The following NEURL2 variants were observed in gnomAD, a reference collection of about 807,000 sequenced individuals.
The protein encoded by NEURL2 is neuralized-like protein 2.
Under a neutral mutation model 15.9 loss-of-function variants are expected in NEURL2, and 16 were observed. The observed-to-expected ratio is 1.01, with a 90% CI of 0.68 to 1.53. The LOEUF (loss-of-function observed/expected upper bound fraction) is 1.53. NEURL2 is among the 40% of genes most tolerant of loss of function. The pLI, the probability that NEURL2 is intolerant of heterozygous loss-of-function variation, is 0.00. For missense variants in NEURL2, 393 were observed against 407.8 expected (o/e 0.96, Z 0.31); for synonymous variants, 188 against 178.3 (o/e 1.05, Z -0.43).
chr20:45,890,590 G>T lies in NEURL2; in HGVS notation c.402C>A (p.Ala134=). The change falls in exon 1 of 2, where the codon GCC becomes GCA. Residue 134 remains alanine, a synonymous_variant. Coordinates refer to ENST00000372518, the MANE Select transcript of NEURL2 (RefSeq NM_080749.4). ...REGRPEAEAA[A]PSRPPTLLVE... is the part of the protein sequence containing the mutation. The stretch of plus-strand genomic sequence containing the variant: ...CGAGGAGGGTTGGAGGTCGGCTGGG[G>T]GCCGCTGCCTCCGCCTCCGGGCGGC... 6.2e-7 allele frequency: 1 copy of T among 1,612,510 alleles called. No homozygotes were observed. Among genetic ancestry groups the T allele is most frequent in the Non-Finnish European group, 8.5e-7 (1 of 1,179,426 alleles).
Position 45,888,695 on chromosome 20 carries a change from G to A in NEURL2, c.*63C>T, listed in dbSNP as rs1230449042. On this transcript the variant is annotated 3_prime_UTR_variant, in exon 2 of 2. Transcript: ENST00000372518. ...GGCTGGCAGCAATGTGGCCAACTTC[G>A]GACCAGCCAGCCACAGGTCTGGGGC... The A allele has an allele frequency of 9.0e-6, 14 of 1,556,404 alleles. No individual in the cohort carries two copies. Among genetic ancestry groups the A allele is most frequent in the East Asian group, 2.3e-5 (1 of 44,306 alleles).
At chr20:45,889,275 A>G (rs916909421) in intron 1 of NEURL2, among the ~76,000 whole-genome samples, 3 of 152,204 alleles carry the variant, frequency 2.0e-5, no homozygotes, top group Non-Finnish European at 2.9e-5. Flanking sequence ...AGCATTAAGA[A>G]GCTCTCAGTC....
chr20:45,888,652 C>A lies in NEURL2; in HGVS notation c.*106G>T. ...CCAGTGATCAAGATGTCAGCATCGG[C>A]TGTTTATTTCTGGTCTTGGCTGGCA... On this transcript the variant is annotated 3_prime_UTR_variant, in exon 2 of 2. Transcript: ENST00000372518. 9.8e-7 allele frequency: 1 copy of A among 1,024,980 alleles called. No homozygotes were observed. The allele number at this position is 1,024,980 out of a possible 1,614,324, so 63.5% of individuals were successfully genotyped here. A position where few individuals can be genotyped will look rare whatever the true frequency, so the allele number is the denominator to read the frequency against.
At position 45,890,900 on chromosome 20, in the gene NEURL2, C is replaced by G; in HGVS notation, c.92G>C (p.Gly31Ala). The G allele has an allele frequency of 1.3e-6, 2 of 1,559,270 alleles. No individual in the cohort carries two copies. Among genetic ancestry groups the G allele is most frequent in the Non-Finnish European group, 1.7e-6 (2 of 1,151,204 alleles). ...PPPTRFHRVH[G>A]ANIRVDPSGT... ...AGAGGGGTCCACGCGGATGTTGGCA[C>G]CGTGCACCCGATGGAAGCGGGTGGG... Residue 31 changes from glycine (G) to alanine (A), a missense_variant, in exon 1 of 2, where the codon GGT becomes GCT. Coordinates refer to ENST00000372518, the MANE Select transcript of NEURL2 (RefSeq NM_080749.4).
chr20:45,888,920 C>A, intron 1 of NEURL2, 47 bp from the exon 2 acceptor site: 1 of 1,610,338 alleles, frequency 6.2e-7, no homozygotes, highest in South Asian at 1.1e-5. Context: ...GAGGGTGGGT[C>A]TGAGGCCAAG....
intron 1 of NEURL2, 31 bp from the exon 2 acceptor site, chr20:45,888,904 G>A (rs1210657160): frequency 1.9e-6 from 3 of 1,613,094 alleles, no homozygotes; most frequent in Admixed American, 1.7e-5. Flanking sequence ...AAGGCAAACT[G>A]AACTGGAGGG....
In NEURL2 at chr20:45,891,042, G is replaced by T. The variant is rs1480126569; in HGVS notation, c.-51C>A. 3 of 1,441,628 alleles carry T rather than the reference G, an allele frequency of 2.1e-6. No individual in the cohort carries two copies. 89.3% of individuals were successfully genotyped at this position (1,441,628 alleles called of 1,614,324 possible). A position where few individuals can be genotyped will look rare whatever the true frequency, so the allele number is the denominator to read the frequency against. ...GGCGCCGGGGGCTATTTTGGGCGGC[G>T]GGCAATGATGGTGACCGCAAGGCGA... On this transcript the variant is annotated 5_prime_UTR_variant, in exon 1 of 2. Transcript: ENST00000372518. The surrounding 1 kb of genome is among the most constrained non-coding windows in gnomAD (Gnocchi z 4.6).
intron 1 of NEURL2, 42 bp downstream of exon 1, chr20:45,890,208 C>T (rs763714649): frequency 6.8e-6 from 11 of 1,611,730 alleles, no homozygotes; most frequent in Non-Finnish European, 9.3e-6. Flanking sequence ...GATTCCAGTC[C>T]CCACACTGAG....
chr20:45,889,002 C>T lies in NEURL2; in HGVS notation c.743-129G>A, dbSNP rs1986600058. ...GCAAGTCCTTACTGCTCTCTGGGCCCAGCCTGCTTCATGGGGCTGAGAGAA... is the reference window on the plus strand; with the variant it reads ...GCAAGTCCTTACTGCTCTCTGGGCCTAGCCTGCTTCATGGGGCTGAGAGAA... On this transcript the variant is annotated intron_variant, in intron 1 of 1. Transcript: ENST00000372518. 8.8e-6 allele frequency: 9 copies of T among 1,018,296 alleles called. No homozygotes were observed. The South Asian group carries it at 1.4e-4, about 16-fold the overall frequency. 63.1% of individuals were successfully genotyped at this position (1,018,296 alleles called of 1,614,324 possible).
At chr20:45,889,770 C>T (rs2145808091) in intron 1 of NEURL2, among the ~76,000 whole-genome samples, 1 of 152,236 alleles carries the variant, frequency 6.6e-6, no homozygotes, top group East Asian at 1.9e-4. Flanking sequence ...CATGCCACCA[C>T]ACCCAGCTAC....
At position 45,890,921 on chromosome 20, in the gene NEURL2, G is replaced by A. The variant is rs1459896691; in HGVS notation, c.71C>T (p.Thr24Ile). Residue 24 changes from threonine to isoleucine, a missense_variant, in exon 1 of 2, where the codon ACC becomes ATC. Transcript: ENST00000372518. ...GGCACCGTGCACCCGATGGAAGCGG[G>A]TGGGAGGGGGCTCCGGGCGCTCGAG... ...WGLERPEPPP[T>I]RFHRVHGANI... is the part of the protein sequence containing the mutation. 3 of 1,540,236 alleles carry A rather than the reference G, an allele frequency of 1.9e-6. No homozygotes were observed. Among genetic ancestry groups the A allele is most frequent in the South Asian group, 1.2e-5 (1 of 82,738 alleles).
In NEURL2 at chr20:45,890,654, A is replaced by G; in HGVS notation, c.338T>C (p.Phe113Ser). 6.2e-7 allele frequency: 1 copy of G among 1,613,502 alleles called. No homozygotes were observed. The highest frequency in any genetic ancestry group is 2.2e-5 in the East Asian group (1 of 44,856). ...GCGGTTGTGGTGGCGCGTGATGGCG[A>G]AGACCCAGGTGTGGCCCAGGTTGAC... ...DLVNLGHTWV[F>S]AITRHHNRVP... is the part of the protein sequence containing the mutation. The change falls in exon 1 of 2, where the codon TTC becomes TCC. Residue 113 changes from phenylalanine (F) to serine (S), a missense_variant. Coordinates refer to ENST00000372518, the MANE Select transcript of NEURL2 (RefSeq NM_080749.4).
chr20:45,890,024 A>G, intron 1 of NEURL2: 1 of 587,674 alleles, frequency 1.7e-6, no homozygotes, highest in South Asian at 2.1e-5. Flanking sequence ...CAAAACTAAA[A>G]GGGAACTTGT....
intron 1 of NEURL2, among the ~76,000 whole-genome samples, chr20:45,889,357 C>CTT (rs10709455): frequency 0.012 from 1,728 of 145,726 alleles, 41 homozygotes; most frequent in African/African-American, 0.041. Flanking sequence ...TCTTTTCTTT[C>CTT]TTTTTTTTTT....
At position 45,890,608 on chromosome 20, in the gene NEURL2, C is replaced by G; in HGVS notation, c.384G>C (p.Pro128=). The G allele has an allele frequency of 1.9e-6, 3 of 1,612,702 alleles. No individual in the cohort carries two copies. The highest frequency in any genetic ancestry group is 2.5e-6 in the Non-Finnish European group (3 of 1,179,458). The change falls in exon 1 of 2, where the codon CCG becomes CCC. Residue 128 remains proline (P), a synonymous_variant. Coordinates refer to ENST00000372518, the MANE Select transcript of NEURL2 (RefSeq NM_080749.4). ...HHNRVPREGR[P]EAEAAAPSRP... ...GGCTGGGGGCCGCTGCCTCCGCCTCCGGGCGGCCCTCCCGGGGCACGCGGT... is the reference window on the plus strand; with the variant it reads ...GGCTGGGGGCCGCTGCCTCCGCCTCGGGGCGGCCCTCCCGGGGCACGCGGT...
chr20:45,890,084 G>T, intron 1 of NEURL2, 166 bp downstream of exon 1: 2 of 710,260 alleles, frequency 2.8e-6, no homozygotes, highest in Non-Finnish European at 4.7e-6. Flanking sequence ...CCAAAACCAT[G>T]TAGAGGCTTG....
In NEURL2 at chr20:45,888,763, C is replaced by A; in HGVS notation, c.853G>T (p.Glu285Ter). 6.2e-7 allele frequency: 1 copy of A among 1,614,044 alleles called. No individual in the cohort carries two copies. The highest frequency in any genetic ancestry group is 8.5e-7 in the Non-Finnish European group (1 of 1,180,006). The change falls in exon 2 of 2, where the codon GAG becomes TAG. Residue 285 changes from glutamate to a stop codon, truncating the protein, a stop_gained. Coordinates refer to ENST00000372518, the MANE Select transcript of NEURL2 (RefSeq NM_080749.4). LOFTEE classifies it high-confidence loss of function. ...CTCTGGTGCACTGTGGGTCTTCACT[C>A]ATACTTGCAGAAATCCTTAAGTTCT... ...PKELKDFCKY[E>*]
rs1986777553 is a variant in NEURL2 at position 45,890,927 on chromosome 20, G to A, written c.65C>T (p.Pro22Leu). The change falls in exon 1 of 2, where the codon CCT (proline) becomes CTT (leucine). Residue 22 changes from proline (P) to leucine (L), a missense_variant. Physicochemically the swap from Pro to Leu is moderately conservative, Grantham distance 98 (BLOSUM62 -3). Coordinates refer to ENST00000372518, the MANE Select transcript of NEURL2 (RefSeq NM_080749.4). Reference sequence around the variant, plus strand: ...GTGCACCCGATGGAAGCGGGTGGGAGGGGGCTCCGGGCGCTCGAGTCCCCA... The same window carrying A: ...GTGCACCCGATGGAAGCGGGTGGGAAGGGGCTCCGGGCGCTCGAGTCCCCA... ...ALWGLERPEPPPTRFHRVHGA... is the reference protein window; with the variant it reads ...ALWGLERPEPLPTRFHRVHGA... 5 of 1,531,230 alleles carry A rather than the reference G, an allele frequency of 3.3e-6. No homozygotes were observed. Among genetic ancestry groups the A allele is most frequent in the Non-Finnish European group, 4.4e-6 (5 of 1,139,108 alleles). The allele number at this position is 1,531,230 out of a possible 1,614,324, so 94.9% of individuals were successfully genotyped here.
chr20:45,889,097 C>T (rs567508255), intron 1 of NEURL2, among the ~76,000 whole-genome samples: 2 of 152,312 alleles, frequency 1.3e-5, no homozygotes, highest in South Asian at 4.1e-4. Flanking sequence ...ACAATCCCTT[C>T]CCCATTCACT....
Sources: allele counts gnomAD v4.1 joint callset (sites outside exome capture counted in the v4.1 genomes callset), GRCh38; gene constraint gnomAD v4.1.1; non-coding constraint Gnocchi (gnomAD v3.1); transcripts MANE v1.5; gene names NCBI Gene and HGNC (gene_info 2026-07-23, HGNC 2026-07-21).